Variants in INSYN2B observed in about 807,000 individuals in gnomAD.
INSYN2B encodes protein INSYN2B.
A neutral mutation model predicts 41.2 loss-of-function variants in INSYN2B; 16 were observed. The observed-to-expected ratio is 0.39, with a 90% CI of 0.26 to 0.59. The LOEUF (loss-of-function observed/expected upper bound fraction) is 0.59, where lower values mean the gene tolerates loss of function less well. INSYN2B is among the 20% of genes least tolerant of loss of function. The probability of loss-of-function intolerance (pLI) is 0.57; values close to 1 mark genes in which losing one functional copy is unlikely to be tolerated. For synonymous variants in INSYN2B, 245 were observed against 244.4 expected, an observed-to-expected ratio of 1.00 and a Z score of -0.02; for missense variants, 608 against 646.4, an observed-to-expected ratio of 0.94 and a Z score of 0.64.
At chr5:169,967,774 G>A (rs1342982730) in intron 1 of INSYN2B, among the ~76,000 whole-genome samples, 1 of 152,166 alleles carries the variant, frequency 6.6e-6, no homozygotes, top group African/African-American at 2.4e-5. Context: ...GTCAATCAGT[G>A]CAGTAAGAGT....
chr5:169,874,113 T>C (rs1772159225), intron 3 of INSYN2B, among the ~76,000 whole-genome samples: 1 of 152,072 alleles, frequency 6.6e-6, no homozygotes, highest in South Asian at 2.1e-4. Context: ...GCATCAATAA[T>C]GATTAAAATA....
intron 1 of INSYN2B, among the ~76,000 whole-genome samples, chr5:169,966,187 G>C (rs1487041958): frequency 1.3e-5 from 2 of 152,160 alleles, no homozygotes; most frequent in Non-Finnish European, 2.9e-5. Flanking sequence ...GCTTGATTTA[G>C]TGCAGTAAGG....
intron 3 of INSYN2B, chr5:169,875,266 ACT>A: frequency 2.2e-6 from 1 of 456,240 alleles, no homozygotes; most frequent in South Asian, 1.5e-5. Flanking sequence ...TCCACCCCAC[ACT>A]CTCTGATTCA....
chr5:169,929,136 A>G (rs1775620182), intron 1 of INSYN2B, among the ~76,000 whole-genome samples: 1 of 152,222 alleles, frequency 6.6e-6, no homozygotes, highest in Non-Finnish European at 1.5e-5. Context: ...CCTATGCAGG[A>G]AGCCCACGCA....
intron 1 of INSYN2B, among the ~76,000 whole-genome samples, chr5:169,953,572 C>T (rs1196742983): frequency 6.6e-6 from 1 of 152,064 alleles, no homozygotes; most frequent in African/African-American, 2.4e-5. Context: ...TTATTATTTG[C>T]ATTATTAATA....
chr5:169,908,352 A>G (rs1257024968), intron 1 of INSYN2B, among the ~76,000 whole-genome samples: 1 of 152,130 alleles, frequency 6.6e-6, no homozygotes. Context: ...TATAATTCTG[A>G]TTACTCACAT....
At chr5:169,960,813 G>A (rs1777056149) in intron 1 of INSYN2B, among the ~76,000 whole-genome samples, 1 of 152,170 alleles carries the variant, frequency 6.6e-6, no homozygotes, top group Non-Finnish European at 1.5e-5. Flanking sequence ...TCTGTTCTGA[G>A]TCATGTGATG....
Position 169,942,817 on chromosome 5 carries a change from C to A in INSYN2B, c.-919+37460G>T, listed in dbSNP as rs1012724680. ...CAGGAACCTCAGTCTTTGTTGCTTCCAAGGCTTGGTCTGAACTCTTCCTTT... is the reference window on the plus strand; with the variant it reads ...CAGGAACCTCAGTCTTTGTTGCTTCAAAGGCTTGGTCTGAACTCTTCCTTT... On this transcript the variant is annotated intron_variant, in intron 1 of 3. Transcript: ENST00000377365. Among the ~76,000 whole-genome samples the A allele has an allele frequency of 2.0e-5, 3 of 152,202 alleles. No homozygotes were observed. The East Asian group carries it at 5.8e-4, about 29-fold the overall frequency.
intron 2 of INSYN2B, among the ~76,000 whole-genome samples, chr5:169,882,111 A>G (rs1772689343): frequency 6.6e-6 from 1 of 152,342 alleles, no homozygotes; most frequent in South Asian, 2.1e-4. Context: ...GAAGGTCAAT[A>G]GTAAGCTGAG....
At chr5:169,876,164 C>G (rs890669023) in intron 3 of INSYN2B, among the ~76,000 whole-genome samples, 37 of 152,214 alleles carry the variant, frequency 2.4e-4, no homozygotes, top group Admixed American at 2.6e-4. Flanking sequence ...TGGCCTCCCT[C>G]TTTCTCTGCG....
intron 3 of INSYN2B, among the ~76,000 whole-genome samples, chr5:169,869,513 A>T (rs1008458243): frequency 6.6e-6 from 1 of 152,200 alleles, no homozygotes; most frequent in East Asian, 1.9e-4. Context: ...GACACACTAC[A>T]GTTTGGAAGG....
intron 1 of INSYN2B, among the ~76,000 whole-genome samples, chr5:169,956,513 G>A (rs1404184461): frequency 6.6e-6 from 1 of 152,196 alleles, no homozygotes; most frequent in Non-Finnish European, 1.5e-5. Context: ...AAATGCTTTT[G>A]AAGACATGAG....
chr5:169,901,810 G>C (rs1266374023), intron 1 of INSYN2B, among the ~76,000 whole-genome samples: 2 of 152,144 alleles, frequency 1.3e-5, no homozygotes, highest in East Asian at 1.9e-4. Flanking sequence ...GGGTTTTCTG[G>C]ACCCTCAGCC....
intron 1 of INSYN2B, among the ~76,000 whole-genome samples, chr5:169,905,296 T>TTG (rs1256071853): frequency 1.0e-4 from 15 of 149,816 alleles, no homozygotes; most frequent in African/African-American, 3.7e-4. Flanking sequence ...AGCCAGTGTT[T>TTG]TTTTTTTTTT....
intron 1 of INSYN2B, among the ~76,000 whole-genome samples, chr5:169,933,525 G>A (rs1775855244): frequency 6.6e-6 from 1 of 152,182 alleles, no homozygotes; most frequent in African/African-American, 2.4e-5. Context: ...TGTTAATATT[G>A]ATACTGCATT....
chr5:169,978,613 T>C (rs988237729), intron 1 of INSYN2B, among the ~76,000 whole-genome samples: 35 of 152,116 alleles, frequency 2.3e-4, no homozygotes, highest in African/African-American at 8.5e-4. Flanking sequence ...ATACTGGGTT[T>C]CTCTTCTTCT....
chr5:169,931,423 C>T (rs1410096598), intron 1 of INSYN2B, among the ~76,000 whole-genome samples: 1 of 152,206 alleles, frequency 6.6e-6, no homozygotes, highest in African/African-American at 2.4e-5. Flanking sequence ...CGCCTGAACC[C>T]TCAGACTTCT....
chr5:169,930,746 C>T (rs1200595940), intron 1 of INSYN2B, among the ~76,000 whole-genome samples: 2 of 152,156 alleles, frequency 1.3e-5, no homozygotes, highest in East Asian at 3.8e-4. Flanking sequence ...CTTTGAGAGT[C>T]GGGTGGAAGG....
chr5:169,873,084 CGT>C (rs1360184906), intron 3 of INSYN2B, among the ~76,000 whole-genome samples: 5 of 152,154 alleles, frequency 3.3e-5, no homozygotes, highest in African/African-American at 1.2e-4. Context: ...ATATTCAACT[CGT>C]GTAATTTTAT....
Sources: gnomAD v4.1 joint callset for allele counts (sites outside exome capture counted in the v4.1 genomes callset) on GRCh38, gnomAD v4.1.1 for gene constraint, MANE v1.5 for transcripts, NCBI Gene and HGNC (gene_info 2026-07-23, HGNC 2026-07-21) for gene names.